BICC1: variants seen among roughly 807,000 people sequenced by gnomAD.
The protein encoded by BICC1 is protein bicaudal C homolog 1.
In BICC1, 43 loss-of-function variants were observed where a neutral mutation model predicts 111.0. That is an observed-to-expected ratio of 0.39 (90% CI 0.30 to 0.50). BICC1 has a LOEUF of 0.50. Among genes scored for constraint, BICC1 ranks in the 20% least tolerant of loss-of-function variants. BICC1 has a pLI of 0.88. For missense variants in BICC1, 1,091 were observed against 1,203.2 expected (o/e 0.91, Z 1.38); for synonymous variants, 467 against 434.4 (o/e 1.07, Z -0.93).
At chr10:58,577,504 A>C (rs1312198524) in intron 1 of BICC1, among the ~76,000 whole-genome samples, 1 of 152,234 alleles carries the variant, frequency 6.6e-6, no homozygotes, top group Non-Finnish European at 1.5e-5. Flanking sequence ...TATGGAAGAC[A>C]GTGAAGTATC....
rs150681368 is a variant in BICC1, at chr10:58,800,224, A to G, written c.1756A>G (p.Thr586Ala). ...SPDIKYGAIS[T>A]SSLGEKVLSA... ...AGATATAAAATATGGTGCAATATCC[A>G]CTTCATCACTTGGAGAAAAAGTGCT... The change falls in exon 13 of 21, where the codon ACT becomes GCT. Residue 586 changes from threonine to alanine, a missense_variant. Around this residue, in one of 3 missense-constraint regions of BICC1, gnomAD observed 843 missense variants for 900.8 expected, o/e 0.94. Transcript: ENST00000373886. 6.2e-6 allele frequency: 10 copies of G among 1,607,310 alleles called. No individual in the cohort carries two copies. The highest frequency in any genetic ancestry group is 6.0e-6 in the Non-Finnish European group (7 of 1,174,290).
chr10:58,745,591 A>AGGCGGGGGGGGGG (rs1841807289), intron 3 of BICC1, among the ~76,000 whole-genome samples: 1 of 76,840 alleles, frequency 1.3e-5, no homozygotes, highest in Admixed American at 1.8e-4. Flanking sequence ...CAGCTCTAAG[A>AGGCGGGGGGGGGG]GCCCCCCACC....
chr10:58,621,731 C>T (rs2132140195), intron 2 of BICC1, among the ~76,000 whole-genome samples: 1 of 151,924 alleles, frequency 6.6e-6, no homozygotes, highest in East Asian at 1.9e-4. Flanking sequence ...AAGCCTGTCT[C>T]TACTAAAAAT....
At chr10:58,816,853 G>A (rs966769116) in intron 18 of BICC1, among the ~76,000 whole-genome samples, 3 of 151,712 alleles carry the variant, frequency 2.0e-5, no homozygotes, top group Admixed American at 6.6e-5. Flanking sequence ...CTGGGTCTGA[G>A]AGCCACAGAC....
Position 58,621,912 on chromosome 10 carries a change from AAT to A in BICC1, c.237+1013_237+1014del, listed in dbSNP as rs1845823162. The stretch of plus-strand genomic sequence containing the variant: ...GACTTTGTCTCTAAAATTAGAATAG[AAT>A]AGAATAGAATAGAATAGAATAGAAT... On this transcript the variant is annotated intron_variant, in intron 2 of 20. Transcript: ENST00000373886. Among the ~76,000 whole-genome samples, 2 of 27,104 alleles carry A rather than the reference AAT, an allele frequency of 7.4e-5. 1 individual carries two copies. The highest frequency in any genetic ancestry group is 4.4e-4 in the African/African-American group (2 of 4,524). The allele number at this position is 27,104 out of a possible 152,430, so 17.8% of individuals were successfully genotyped here.
At chr10:58,749,084 G>A (rs549871944) in intron 3 of BICC1, among the ~76,000 whole-genome samples, 1 of 152,212 alleles carries the variant, frequency 6.6e-6, no homozygotes, top group African/African-American at 2.4e-5. Context: ...ATGGTCACAT[G>A]GATTGATATT....
intron 3 of BICC1, among the ~76,000 whole-genome samples, chr10:58,711,621 C>T (rs554309571): frequency 1.2e-3 from 184 of 152,252 alleles, no homozygotes; most frequent in African/African-American, 4.1e-3. Flanking sequence ...GCTAGTTCCG[C>T]CTTCTTCTCT....
At chr10:58,606,832 A>G (rs1372722228) in intron 1 of BICC1, among the ~76,000 whole-genome samples, 1 of 152,056 alleles carries the variant, frequency 6.6e-6, no homozygotes, top group Admixed American at 6.5e-5. Flanking sequence ...TTTCTAGTAT[A>G]TTTCTTTGAT....
intron 1 of BICC1, among the ~76,000 whole-genome samples, chr10:58,615,787 T>C (rs369201764): frequency 6.6e-6 from 1 of 152,288 alleles, no homozygotes; most frequent in East Asian, 1.9e-4. Flanking sequence ...TGGTGCCCAG[T>C]GGCAGCTGTA....
chr10:58,703,630 G>A (rs1840305051), intron 3 of BICC1, among the ~76,000 whole-genome samples: 1 of 152,132 alleles, frequency 6.6e-6, no homozygotes, highest in African/African-American at 2.4e-5. Context: ...AGTAATTTTT[G>A]TGGTATGTTG....
chr10:58,712,038 T>G (rs1840592001), intron 3 of BICC1, among the ~76,000 whole-genome samples: 1 of 152,138 alleles, frequency 6.6e-6, no homozygotes. Context: ...TAAAAGTGGG[T>G]CAAAGATCTT....
At chr10:58,627,016 C>T (rs377146531) in intron 2 of BICC1, among the ~76,000 whole-genome samples, 139 of 152,106 alleles carry the variant, frequency 9.1e-4, no homozygotes, top group African/African-American at 1.6e-3. Context: ...GCAGGAGAAT[C>T]GCTTGAACCT....
intron 20 of BICC1, among the ~76,000 whole-genome samples, chr10:58,825,325 T>C (rs546664807): frequency 1.2e-4 from 19 of 152,254 alleles, no homozygotes; most frequent in African/African-American, 4.6e-4. Flanking sequence ...AATAAATATA[T>C]TGAAAATATT....
intron 18 of BICC1, among the ~76,000 whole-genome samples, chr10:58,815,806 CAT>C (rs1033295465): frequency 3.9e-5 from 6 of 152,030 alleles, no homozygotes; most frequent in African/African-American, 1.2e-4. Flanking sequence ...AATAATTTAA[CAT>C]ATGTAAGATT....
At chr10:58,526,631 A>G (rs1291149939) in intron 1 of BICC1, among the ~76,000 whole-genome samples, 1 of 152,040 alleles carries the variant, frequency 6.6e-6, no homozygotes, top group Non-Finnish European at 1.5e-5. Context: ...CCCTGTGTCC[A>G]AGTGTTCTCA....
At chr10:58,721,360 G>A (rs2132523592) in intron 3 of BICC1, among the ~76,000 whole-genome samples, 1 of 152,266 alleles carries the variant, frequency 6.6e-6, no homozygotes, top group African/African-American at 2.4e-5. Flanking sequence ...ACTTTTGGGG[G>A]AACCCAAACT....
chr10:58,813,756 G>A (rs1007055402), intron 17 of BICC1, 74 bp from the exon 18 acceptor site: 4 of 1,452,666 alleles, frequency 2.8e-6, no homozygotes, highest in Non-Finnish European at 3.8e-6. Context: ...GGTGTAATGT[G>A]GATTCTTTTC....
At position 58,512,894 on chromosome 10, in the gene BICC1, G is replaced by T. The variant is rs543341237; in HGVS notation, c.-250G>T. ...CTCATTCCGCGCGGGCGTTGCTGGC[G>T]GGGGGCGGCGCAGCCACTGGACCCG... On this transcript the variant is annotated 5_prime_UTR_variant, in exon 1 of 21. Transcript: ENST00000373886. Among the ~76,000 whole-genome samples, 710 of 147,528 alleles carry T rather than the reference G, an allele frequency of 4.8e-3. 4 individuals carry two copies. The highest frequency in any genetic ancestry group is 0.016 in the African/African-American group (638 of 41,072).
chr10:58,747,772 A>G (rs72802478), intron 3 of BICC1, among the ~76,000 whole-genome samples: 4,435 of 152,248 alleles, frequency 0.029, 93 homozygotes, highest in Non-Finnish European at 0.045. Context: ...TTAAATATAA[A>G]ACCAATAATA....
Sources: allele counts gnomAD v4.1 joint callset (sites outside exome capture counted in the v4.1 genomes callset), GRCh38; gene constraint gnomAD v4.1.1; regional missense constraint gnomAD v4.1.1; transcripts MANE v1.5; gene names NCBI Gene and HGNC (gene_info 2026-07-23, HGNC 2026-07-21).